ZNF436: variants seen among roughly 807,000 people sequenced by gnomAD.
ZNF436 encodes zinc finger protein 436, also known as DNA-binding protein.
A neutral mutation model predicts 41.9 loss-of-function variants in ZNF436; 22 were observed. The ratio of observed to expected loss-of-function variants is 0.53; its 90% CI spans 0.38 to 0.75. The LOEUF (loss-of-function observed/expected upper bound fraction) is 0.75, where lower values mean the gene tolerates loss of function less well. Ranked by LOEUF, ZNF436 falls within the 30% of genes least tolerant of loss-of-function variation. The pLI is 0.00. For missense variants in ZNF436, 506 were observed against 587.3 expected (o/e 0.86, Z 1.43); for synonymous variants, 217 against 197.8 (o/e 1.10, Z -0.82).
At chr1:23,367,277 G>T in intron 2 of ZNF436, 109 bp from the exon 3 acceptor site, 1 of 1,238,926 alleles carries the variant, frequency 8.1e-7, no homozygotes, top group Non-Finnish European at 1.1e-6. Context: ...GACCTATAGA[G>T]TCCAAATAAG....
Position 23,362,814 on chromosome 1 carries a change from C to T in ZNF436, c.568G>A (p.Gly190Arg). ...HLIQHQRTHT[G>R]ERPYDCNECG... The stretch of plus-strand genomic sequence containing the variant: ...TCGTTACAGTCATAAGGCCTCTCCC[C>T]AGTATGTGTTCTTTGATGCTGAATA... The change falls in exon 4 of 4, where the codon GGG becomes AGG. Residue 190 changes from glycine to arginine, a missense_variant. By Grantham distance (125) the Gly-to-Arg change is moderately radical. This residue lies in a region of ZNF436 where 278 missense variants were observed against 372.1 expected (regional missense o/e 0.75). Transcript: ENST00000314011. 1 of 1,614,238 alleles carries T rather than the reference C, an allele frequency of 6.2e-7. No individual in the cohort carries two copies. Among genetic ancestry groups the T allele is most frequent in the Non-Finnish European group, 8.5e-7 (1 of 1,180,048 alleles).
At chr1:23,368,532 C>G (rs1351617546) in intron 1 of ZNF436, 1 of 155,502 alleles carries the variant, frequency 6.4e-6, no homozygotes, top group Non-Finnish European at 1.4e-5. Context: ...TGGAGTTCCA[C>G]TCCCGCGTAC....
rs1313606760 is a variant in ZNF436 at position 23,369,470 on chromosome 1, A to G, written c.-165T>C. On this transcript the variant is annotated 5_prime_UTR_variant, in exon 1 of 4. Coordinates refer to ENST00000314011, the MANE Select transcript of ZNF436 (RefSeq NM_001077195.2). Reference sequence around the variant, plus strand: ...TCTCTCAGACCTGGCGTTCAGGAAGATTCTAGAGAGCACGGGCAGGTCCCG... The same window carrying G: ...TCTCTCAGACCTGGCGTTCAGGAAGGTTCTAGAGAGCACGGGCAGGTCCCG... 1.9e-6 allele frequency: 1 copy of G among 533,220 alleles called. No individual in the cohort carries two copies. Among genetic ancestry groups the G allele is most frequent in the South Asian group, 1.4e-5 (1 of 71,556 alleles). 33.0% of individuals were successfully genotyped at this position (533,220 alleles called of 1,614,324 possible). A position where few individuals can be genotyped will look rare whatever the true frequency, so the allele number is the denominator to read the frequency against.
rs1418332905 is a variant in ZNF436 at position 23,359,789 on chromosome 1, T to C, written c.*2180A>G. 3 of 152,764 alleles carry C rather than the reference T, an allele frequency of 2.0e-5. No homozygotes were observed. The highest frequency in any genetic ancestry group is 3.9e-4 in the East Asian group (2 of 5,190). The allele number at this position is 152,764 out of a possible 1,614,324, so 9.5% of individuals were successfully genotyped here. On this transcript the variant is annotated 3_prime_UTR_variant, in exon 4 of 4. Transcript: ENST00000314011. ...CAGCTAGATTGTTCATGTATGGAGATAGCTGGGTGCTTAGAAGCCTTGTTT... is the reference window on the plus strand; with the variant it reads ...CAGCTAGATTGTTCATGTATGGAGACAGCTGGGTGCTTAGAAGCCTTGTTT...
chr1:23,366,003 C>T (rs1005381677), intron 3 of ZNF436, among the ~76,000 whole-genome samples: 6 of 151,010 alleles, frequency 4.0e-5, no homozygotes, highest in African/African-American at 9.7e-5. Context: ...AGTTTTTTGG[C>T]GCTTTCATCC....
Position 23,362,301 on chromosome 1 carries a change from G to T in ZNF436, c.1081C>A (p.Pro361Thr), listed in dbSNP as rs1027105127. 4.3e-6 allele frequency: 7 copies of T among 1,613,946 alleles called. No homozygotes were observed. Among genetic ancestry groups the T allele is most frequent in the Non-Finnish European group, 5.9e-6 (7 of 1,180,030 alleles). ...QHQRTHTGEK[P>T]YECNACGKSF... Reference sequence around the variant, plus strand: ...TTCCCACAAGCATTGCATTCATATGGCTTCTCTCCAGTGTGAGTTCTCTGG... The same window carrying T: ...TTCCCACAAGCATTGCATTCATATGTCTTCTCTCCAGTGTGAGTTCTCTGG... The change falls in exon 4 of 4, where the codon CCA becomes ACA. Residue 361 changes from proline (P) to threonine (T), a missense_variant. Physicochemically the swap from Pro to Thr is conservative, Grantham distance 38. This residue lies in a region of ZNF436 where 278 missense variants were observed against 372.1 expected (regional missense o/e 0.75). Coordinates refer to ENST00000314011, the MANE Select transcript of ZNF436 (RefSeq NM_001077195.2).
chr1:23,368,050 CAGCTA>C lies in ZNF436; in HGVS notation c.-50_-46del. On this transcript the variant is annotated 5_prime_UTR_variant, in exon 2 of 4. Transcript: ENST00000314011. ...CTCCAGGGAGAGAGAGCAGGAAAAG[CAGCTA>C]GCAGACAGCGCTGAAGGAGGCGAAA... The C allele has an allele frequency of 6.2e-7, 1 of 1,612,262 alleles. No individual in the cohort carries two copies. Among genetic ancestry groups the C allele is most frequent in the East Asian group, 2.2e-5 (1 of 44,842 alleles).
chr1:23,368,292 C>T (rs1187270625), intron 1 of ZNF436: 8 of 431,680 alleles, frequency 1.9e-5, no homozygotes, highest in Non-Finnish European at 3.4e-5. Flanking sequence ...CCTCCCGCGC[C>T]GGGGGTTAGA....
At chr1:23,369,177 G>GC (rs1172533496) in intron 1 of ZNF436, 189 bp downstream of exon 1, 1 of 390,884 alleles carries the variant, frequency 2.6e-6, no homozygotes, top group East Asian at 6.6e-5. Flanking sequence ...CCAGGCCCCT[G>GC]CGGGGGGGGC....
At chr1:23,364,166 T>G (rs1202465558) in intron 3 of ZNF436, among the ~76,000 whole-genome samples, 1 of 152,244 alleles carries the variant, frequency 6.6e-6, no homozygotes, top group Non-Finnish European at 1.5e-5. Flanking sequence ...TTTTTTAACT[T>G]GCCAAGCCTT....
chr1:23,367,129 G>A lies in ZNF436; in HGVS notation c.73C>T (p.Arg25Trp), dbSNP rs1162939414. The A allele has an allele frequency of 6.2e-7, 1 of 1,613,528 alleles. No individual in the cohort carries two copies. The highest frequency in any genetic ancestry group is 8.5e-7 in the Non-Finnish European group (1 of 1,179,686). The change falls in exon 3 of 4, where the codon CGG becomes TGG. Residue 25 changes from arginine to tryptophan, a missense_variant. Arg to Trp is a moderately radical substitution (Grantham distance 101). This residue lies in a region of ZNF436 where 228 missense variants were observed against 215.1 expected (regional missense o/e 1.06). Coordinates refer to ENST00000314011, the MANE Select transcript of ZNF436 (RefSeq NM_001077195.2). ...TFEDMAMYLT[R>W]EEWRPLDAAQ... ...GCGTCCAGAGGTCTCCATTCTTCCC[G>A]GGTGAGATACATGGCCATATCTTCA...
rs1168611299 is a variant in ZNF436 at position 23,361,780 on chromosome 1, AT to A, written c.*188del. The A allele has an allele frequency of 1.8e-6, 1 of 554,430 alleles. No individual in the cohort carries two copies. The highest frequency in any genetic ancestry group is 1.9e-5 in the African/African-American group (1 of 52,480). The allele number at this position is 554,430 out of a possible 1,614,324, so 34.3% of individuals were successfully genotyped here. A position where few individuals can be genotyped will look rare whatever the true frequency, so the allele number is the denominator to read the frequency against. ...ACCCATTGAGTGAATAAAAATCACCATTTTGGAGGAGATAACATTCCCAAAG... is the reference window on the plus strand; with the variant it reads ...ACCCATTGAGTGAATAAAAATCACCATTTGGAGGAGATAACATTCCCAAAG... On this transcript the variant is annotated 3_prime_UTR_variant, in exon 4 of 4. Transcript: ENST00000314011.
intron 2 of ZNF436, 98 bp from the exon 3 acceptor site, chr1:23,367,266 T>C (rs1368987173): frequency 7.5e-6 from 10 of 1,334,322 alleles, no homozygotes; most frequent in African/African-American, 3.0e-5. Flanking sequence ...ATATTAAATG[T>C]GACCTATAGA....
chr1:23,367,676 C>G (rs189527878), intron 2 of ZNF436, among the ~76,000 whole-genome samples: 1 of 152,316 alleles, frequency 6.6e-6, no homozygotes, highest in Admixed American at 6.5e-5. Context: ...CTACGTTGTG[C>G]CACGCTTAAG....
At chr1:23,364,971 A>C (rs1291946714) in intron 3 of ZNF436, among the ~76,000 whole-genome samples, 3 of 152,202 alleles carry the variant, frequency 2.0e-5, no homozygotes, top group Non-Finnish European at 4.4e-5. Context: ...AAAAGGCCTT[A>C]TAAGGCCAGA....
chr1:23,363,278 C>T (rs967300893), intron 3 of ZNF436, 57 bp from the exon 4 acceptor site: 10 of 1,474,322 alleles, frequency 6.8e-6, no homozygotes, highest in Non-Finnish European at 8.2e-6. Flanking sequence ...TATTGTGTGC[C>T]AGGCACTATA....
At position 23,369,558 on chromosome 1, in the gene ZNF436, T is replaced by G. The variant is rs1350977306; in HGVS notation, c.-253A>C. On this transcript the variant is annotated 5_prime_UTR_variant, in exon 1 of 4. Transcript: ENST00000314011. ...ACTTGCAGGCGAAGCCCAGATATCG[T>G]AGGCTGATCCTAAAGACTCAGATTC... is the stretch of plus-strand genomic sequence containing the variant. 1.9e-6 allele frequency: 1 copy of G among 533,688 alleles called. No individual in the cohort carries two copies. The highest frequency in any genetic ancestry group is 3.9e-6 in the Non-Finnish European group (1 of 259,340). 33.1% of individuals were successfully genotyped at this position (533,688 alleles called of 1,614,324 possible).
Position 23,362,346 on chromosome 1 carries a change from T to C in ZNF436, c.1036A>G (p.Ile346Val), listed in dbSNP as rs775782088. ...CNECGENFSR[I>V]SHLVQHQRTH... Reference sequence around the variant, plus strand: ...CTCTGGTGCTGAACCAAGTGTGAGATGCGGCTGAAATTTTCCCCACATTCG... The same window carrying C: ...CTCTGGTGCTGAACCAAGTGTGAGACGCGGCTGAAATTTTCCCCACATTCG... The change falls in exon 4 of 4, where the codon ATC (isoleucine) becomes GTC (valine). Residue 346 changes from isoleucine to valine, a missense_variant. By Grantham distance (29) the Ile-to-Val change is conservative (BLOSUM62 3). This residue lies in a region of ZNF436 where 278 missense variants were observed against 372.1 expected (regional missense o/e 0.75). Transcript: ENST00000314011. The C allele has an allele frequency of 9.9e-6, 16 of 1,613,234 alleles. No individual in the cohort carries two copies. The East Asian group carries it at 1.6e-4, about 16-fold the overall frequency.
Position 23,361,729 on chromosome 1 carries a change from C to T in ZNF436, c.*240G>A, listed in dbSNP as rs1638233637. 4.9e-6 allele frequency: 2 copies of T among 408,002 alleles called. No homozygotes were observed. Among genetic ancestry groups the T allele is most frequent in the Non-Finnish European group, 8.8e-6 (2 of 227,654 alleles). The allele number at this position is 408,002 out of a possible 1,614,324, so 25.3% of individuals were successfully genotyped here. The stretch of plus-strand genomic sequence containing the variant: ...CCCCTGGTCTTCAGATTTCCAGTTA[C>T]TTGTGGGGCTGCTTTTAATGAAGTA... On this transcript the variant is annotated 3_prime_UTR_variant, in exon 4 of 4. Transcript: ENST00000314011.
Sources: allele counts gnomAD v4.1 joint callset (sites outside exome capture counted in the v4.1 genomes callset), GRCh38; gene constraint gnomAD v4.1.1; regional missense constraint gnomAD v4.1.1; transcripts MANE v1.5; gene names NCBI Gene and HGNC (gene_info 2026-07-23, HGNC 2026-07-21).